The following CCSER1 variants were observed in gnomAD, a reference collection of about 807,000 sequenced individuals.
CCSER1 encodes the protein coiled-coil serine rich protein 1.
CCSER1 carries 41 observed loss-of-function variants against 82.0 expected under a neutral mutation model. The observed-to-expected ratio is 0.50, with a 90% confidence interval of 0.39 to 0.65. The LOEUF is 0.65. Among genes scored for constraint, CCSER1 ranks in the 30% least tolerant of loss-of-function variants. The pLI is 0.00. For synonymous variants in CCSER1, 414 were observed against 383.9 expected, an observed-to-expected ratio of 1.08 and a Z score of -0.92; for missense variants, 1,119 against 1,064.2, an observed-to-expected ratio of 1.05 and a Z score of -0.72.
intron 10 of CCSER1, among the ~76,000 whole-genome samples, chr4:91,105,476 T>TGG (rs1332282521): frequency 1.3e-5 from 2 of 150,736 alleles, no homozygotes; most frequent in Non-Finnish European, 3.0e-5. Flanking sequence ...GAGGCAGAGG[T>TGG]GGGCGGATCA....
intron 10 of CCSER1, among the ~76,000 whole-genome samples, chr4:91,316,624 G>A (rs1216416608): frequency 6.6e-6 from 1 of 151,886 alleles, no homozygotes; most frequent in Non-Finnish European, 1.5e-5. Flanking sequence ...AACCTGTCAG[G>A]AAATCCCTTG....
At chr4:91,490,923 TATATAA>T (rs1560712501) in intron 10 of CCSER1, among the ~76,000 whole-genome samples, 2 of 84,098 alleles carry the variant, frequency 2.4e-5, no homozygotes, top group East Asian at 7.6e-4. Context: ...TATATATATA[TATATAA>T]AATATGCGTC....
At chr4:91,558,342 T>C (rs530005487) in intron 10 of CCSER1, among the ~76,000 whole-genome samples, 50 of 151,770 alleles carry the variant, frequency 3.3e-4, no homozygotes, top group African/African-American at 1.2e-3. Context: ...TAGCGTATTG[T>C]TTTTTGATAA....
chr4:91,084,899 C>T (rs1366664382), intron 9 of CCSER1, among the ~76,000 whole-genome samples: 1 of 151,718 alleles, frequency 6.6e-6, no homozygotes, highest in East Asian at 1.9e-4. Flanking sequence ...TGAAAAAACC[C>T]TGAAAATTTT....
Position 90,623,882 on chromosome 4 carries a change from T to A in CCSER1, c.1725-4143T>A, listed in dbSNP as rs529262671. Among the ~76,000 whole-genome samples, 3 of 152,356 alleles carry A rather than the reference T, an allele frequency of 2.0e-5. No individual in the cohort carries two copies. The South Asian group carries it at 6.2e-4, about 32-fold the overall frequency. The stretch of plus-strand genomic sequence containing the variant: ...TTCTGTTAGGTTCTGGGAATGCTAG[T>A]TCATTAATATAGATTTATGTCATTG... On this transcript the variant is annotated intron_variant, in intron 5 of 10. Coordinates refer to ENST00000509176, the MANE Select transcript of CCSER1 (RefSeq NM_001145065.2).
At chr4:91,301,791 A>G (rs1744689345) in intron 10 of CCSER1, among the ~76,000 whole-genome samples, 1 of 151,928 alleles carries the variant, frequency 6.6e-6, no homozygotes, top group Non-Finnish European at 1.5e-5. Flanking sequence ...AAAGAAATAG[A>G]AAGTAAATTA....
chr4:91,047,590 G>A (rs1473099562), intron 9 of CCSER1, among the ~76,000 whole-genome samples: 1 of 152,130 alleles, frequency 6.6e-6, no homozygotes, highest in African/African-American at 2.4e-5. Context: ...GTTTTTGTAT[G>A]TGATTCTACT....
chr4:90,655,980 A>G (rs1318002807), intron 6 of CCSER1, among the ~76,000 whole-genome samples: 2 of 151,960 alleles, frequency 1.3e-5, no homozygotes, highest in African/African-American at 4.8e-5. Context: ...TTTTTCTTTT[A>G]CTAACATGCT....
Position 90,275,101 on chromosome 4 carries a change from G to C in CCSER1, c.-41-33143G>C, listed in dbSNP as rs548067040. Among the ~76,000 whole-genome samples, 82 of 152,188 alleles carry C rather than the reference G, an allele frequency of 5.4e-4. 2 individuals carry two copies. In the Middle Eastern group the frequency reaches 0.024, roughly 44 times the overall value. On this transcript the variant is annotated intron_variant, in intron 1 of 10. Transcript: ENST00000509176. ...CTTGGAAAATTGCTATGGTGACAAA[G>C]AAGTTTTTATTTTCCCTGGGTAGAT... is the stretch of plus-strand genomic sequence containing the variant.
chr4:90,806,108 C>A (rs1171353123), intron 7 of CCSER1, among the ~76,000 whole-genome samples: 1 of 152,040 alleles, frequency 6.6e-6, no homozygotes, highest in African/African-American at 2.4e-5. Flanking sequence ...ACTTTTGCAC[C>A]AAGCTAATAT....
intron 10 of CCSER1, among the ~76,000 whole-genome samples, chr4:91,588,881 A>G (rs1330753289): frequency 6.6e-6 from 1 of 151,814 alleles, no homozygotes; most frequent in Non-Finnish European, 1.5e-5. Context: ...TCCATGTATA[A>G]AAATGCCTTT....
At chr4:90,995,423 A>G (rs74594475) in intron 9 of CCSER1, among the ~76,000 whole-genome samples, 306 of 152,236 alleles carry the variant, frequency 2.0e-3, no homozygotes, top group Middle Eastern at 6.8e-3. Flanking sequence ...GAGATGCAAA[A>G]ATGAAACTGA....
chr4:90,524,593 C>T (rs769903131), intron 5 of CCSER1, among the ~76,000 whole-genome samples: 5 of 152,058 alleles, frequency 3.3e-5, no homozygotes, highest in East Asian at 1.9e-4. Flanking sequence ...CTCAACCTCC[C>T]GAGTAGCTGG....
intron 4 of CCSER1, among the ~76,000 whole-genome samples, chr4:90,411,103 A>G (rs1240964327): frequency 6.6e-6 from 1 of 152,198 alleles, no homozygotes; most frequent in Admixed American, 6.5e-5. Flanking sequence ...ATAGACCAAT[A>G]ATAGGCTCTG....
chr4:91,511,269 CCTT>C (rs963030345), intron 10 of CCSER1, among the ~76,000 whole-genome samples: 1 of 151,920 alleles, frequency 6.6e-6, no homozygotes, highest in Non-Finnish European at 1.5e-5. Flanking sequence ...ATGCCTCTGG[CCTT>C]CTTATTTTTC....
intron 10 of CCSER1, among the ~76,000 whole-genome samples, chr4:91,483,813 A>T (rs1363344161): frequency 6.6e-6 from 1 of 152,166 alleles, no homozygotes; most frequent in Admixed American, 6.5e-5. Flanking sequence ...TCAATTTCTC[A>T]TGCGTTCTAA....
chr4:90,218,133 T>A (rs943604991), intron 1 of CCSER1, among the ~76,000 whole-genome samples: 1 of 152,148 alleles, frequency 6.6e-6, no homozygotes, highest in Non-Finnish European at 1.5e-5. Flanking sequence ...GTTTTTATCA[T>A]GAAAGGAGGT....
chr4:90,957,544 TA>T (rs1382426917), intron 9 of CCSER1, among the ~76,000 whole-genome samples: 15 of 122,068 alleles, frequency 1.2e-4, no homozygotes, highest in African/African-American at 1.7e-4. Context: ...ATATATTATA[TA>T]ATTATATTAT....
chr4:90,256,123 C>T (rs1723241730), intron 1 of CCSER1, among the ~76,000 whole-genome samples: 1 of 152,080 alleles, frequency 6.6e-6, no homozygotes, highest in African/African-American at 2.4e-5. Flanking sequence ...TTGTAAAGAG[C>T]ATGTTTATTG....
Sources: allele counts gnomAD v4.1 joint callset (sites outside exome capture counted in the v4.1 genomes callset), GRCh38; gene constraint gnomAD v4.1.1; transcripts MANE v1.5; gene names NCBI Gene and HGNC (gene_info 2026-07-23, HGNC 2026-07-21).